The following KIAA1671 variants were observed in gnomAD, a reference collection of about 807,000 sequenced individuals.
The protein encoded by KIAA1671 is uncharacterized protein KIAA1671.
KIAA1671 carries 52 observed loss-of-function variants against 131.2 expected under a neutral mutation model. The observed-to-expected ratio is 0.40, with a 90% CI of 0.32 to 0.50. The LOEUF (loss-of-function observed/expected upper bound fraction) is 0.50. Ranked by LOEUF, KIAA1671 falls within the 20% of genes least tolerant of loss-of-function variation. The probability of loss-of-function intolerance (pLI) is 0.73; values close to 1 mark genes in which losing one functional copy is unlikely to be tolerated. For missense variants in KIAA1671, 2,360 were observed against 2,364.2 expected (o/e 1.00, Z 0.04); for synonymous variants, 1,003 against 961.6 (o/e 1.04, Z -0.80).
intron 6 of KIAA1671, among the ~76,000 whole-genome samples, chr22:25,117,360 A>G (rs1394474296): frequency 1.3e-5 from 2 of 152,044 alleles, no homozygotes; most frequent in Non-Finnish European, 2.9e-5. Context: ...AGAGAGGGGA[A>G]GTCACAGGAC....
chr22:25,050,966 TAG>T (rs1188824576), intron 6 of KIAA1671: 9 of 152,478 alleles, frequency 5.9e-5, no homozygotes, highest in Admixed American at 5.9e-4. Context: ...CCTGTCTTTT[TAG>T]AGTCTGCTTG....
In KIAA1671 at chr22:25,184,302, C is replaced by T. The variant is rs144621366; in HGVS notation, c.5200-675C>T. 3.1e-3 allele frequency among the ~76,000 whole-genome samples: 466 copies of T among 152,358 alleles called. 5 individuals are homozygous for T. The highest frequency in any genetic ancestry group is 4.6e-3 in the Non-Finnish European group (312 of 68,038). On this transcript the variant is annotated intron_variant, in intron 10 of 12. Coordinates refer to ENST00000358431, the MANE Select transcript of KIAA1671 (RefSeq NM_001145206.2). ...CAGGATCTGCCCTAAAAGAATCATA[C>T]ACACATGGAACGAACTCACATTTGT...
At chr22:25,009,253 CTTTTTTTTTT>C (rs35147267) in intron 1 of KIAA1671, among the ~76,000 whole-genome samples, 19 of 62,796 alleles carry the variant, frequency 3.0e-4, no homozygotes, top group Admixed American at 6.1e-4. Context: ...CCCTTCCCCA[CTTTTTTTTTT>C]TTTTTTTTTT....
chr22:24,960,546 CAAAA>C (rs56207857), intron 1 of KIAA1671, among the ~76,000 whole-genome samples: 1 of 80,002 alleles, frequency 1.2e-5, no homozygotes, highest in Admixed American at 1.4e-4. Flanking sequence ...GACTCCGTCT[CAAAA>C]AAAAAAAAAA....
chr22:25,151,114 G>A (rs893706166), intron 6 of KIAA1671, among the ~76,000 whole-genome samples: 6 of 151,858 alleles, frequency 4.0e-5, no homozygotes, highest in Non-Finnish European at 8.8e-5. Context: ...GATTACAGGC[G>A]TGAGCCACTG....
In KIAA1671 at chr22:25,049,243, A is replaced by G. The variant is rs770452886; in HGVS notation, c.4409A>G (p.Asp1470Gly). The change falls in exon 6 of 13, where the codon GAC becomes GGC. Residue 1470 changes from aspartate to glycine, a missense_variant. Asp to Gly is a moderately conservative substitution (Grantham distance 94). Coordinates refer to ENST00000358431, the MANE Select transcript of KIAA1671 (RefSeq NM_001145206.2). The part of the protein sequence containing the change: ...TGDSHKVLPR[D>G]LEKEDAPQEK... ...TCTGTGTTTCAGGTGCTGCCACGGG[A>G]CCTGGAGAAGGAGGATGCCCCCCAG... 7.1e-6 allele frequency: 11 copies of G among 1,551,796 alleles called. No individual in the cohort carries two copies. Among genetic ancestry groups the G allele is most frequent in the Non-Finnish European group, 9.6e-6 (11 of 1,146,918 alleles).
chr22:25,150,331 T>C (rs1392412075), intron 6 of KIAA1671, among the ~76,000 whole-genome samples: 3 of 152,168 alleles, frequency 2.0e-5, no homozygotes, highest in African/African-American at 4.8e-5. Flanking sequence ...AACCCCTGGA[T>C]TCTAGGGATG....
At chr22:25,088,830 A>G (rs1028356230) in intron 6 of KIAA1671, among the ~76,000 whole-genome samples, 1 of 152,014 alleles carries the variant, frequency 6.6e-6, no homozygotes, top group Non-Finnish European at 1.5e-5. Flanking sequence ...ACATAAGACA[A>G]TGTCTGTGCC....
At chr22:25,047,715 C>G (rs1286882895) in intron 5 of KIAA1671, among the ~76,000 whole-genome samples, 2 of 152,200 alleles carry the variant, frequency 1.3e-5, no homozygotes, top group African/African-American at 4.8e-5. Flanking sequence ...TCAGGTGATC[C>G]ACCTGCGTCG....
intron 1 of KIAA1671, among the ~76,000 whole-genome samples, chr22:25,001,276 T>C (rs1047089023): frequency 3.3e-5 from 5 of 152,060 alleles, no homozygotes; most frequent in Non-Finnish European, 7.4e-5. Flanking sequence ...TATATGCATG[T>C]GTATGTGTGT....
At chr22:25,091,846 G>A (rs577725202) in intron 6 of KIAA1671, among the ~76,000 whole-genome samples, 2 of 152,258 alleles carry the variant, frequency 1.3e-5, no homozygotes, top group Non-Finnish European at 2.9e-5. Context: ...CATCTCCTAG[G>A]CTCTGGTTCA....
chr22:24,968,599 G>T (rs1017554836), intron 1 of KIAA1671, among the ~76,000 whole-genome samples: 1 of 152,152 alleles, frequency 6.6e-6, no homozygotes, highest in African/African-American at 2.4e-5. Flanking sequence ...GGGTCACACG[G>T]TGGACACTGG....
Position 24,952,969 on chromosome 22 carries a change from A to T in KIAA1671, c.-208+197A>T, listed in dbSNP as rs550180914. Among the ~76,000 whole-genome samples the T allele has an allele frequency of 1.2e-4, 19 of 152,310 alleles. No individual in the cohort carries two copies. Among genetic ancestry groups the T allele is most frequent in the Admixed American group, 2.6e-4 (4 of 15,310 alleles). On this transcript the variant is annotated intron_variant, in intron 1 of 12. Coordinates refer to ENST00000358431, the MANE Select transcript of KIAA1671 (RefSeq NM_001145206.2). The surrounding 1 kb of genome is among the most constrained non-coding windows in gnomAD (Gnocchi z 4.5). ...GGATTTCCCCAGACTCCGGGTCTGC[A>T]GGGAGGGAGGATCCCGGTTTGGGAG...
chr22:25,148,003 A>T (rs5760878), intron 6 of KIAA1671, among the ~76,000 whole-genome samples: 16,240 of 46,694 alleles, frequency 0.35, 988 homozygotes, highest in South Asian at 0.46. Context: ...TCCCTACCTC[A>T]CTCTCTCCCT....
chr22:25,013,746 A>G (rs1925164814), intron 1 of KIAA1671: 1 of 152,200 alleles, frequency 6.6e-6, no homozygotes, highest in African/African-American at 2.4e-5. Context: ...ACCAGGCTGG[A>G]CACACACAGC....
intron 6 of KIAA1671, among the ~76,000 whole-genome samples, chr22:25,092,239 C>T (rs1249173404): frequency 2.0e-5 from 3 of 152,086 alleles, no homozygotes; most frequent in Non-Finnish European, 2.9e-5. Context: ...TGGGAGGAAG[C>T]GTGACTGGAA....
intron 6 of KIAA1671, among the ~76,000 whole-genome samples, chr22:25,113,540 C>T (rs1470520200): frequency 6.6e-6 from 1 of 152,184 alleles, no homozygotes; most frequent in East Asian, 1.9e-4. Flanking sequence ...GCCCTCCCTA[C>T]ACTCGAGGTG....
chr22:25,045,857 C>G (rs377475960), intron 5 of KIAA1671, among the ~76,000 whole-genome samples: 168 of 152,278 alleles, frequency 1.1e-3, no homozygotes, highest in African/African-American at 4.0e-3. Context: ...TCCCAAACTG[C>G]TAGAATTACA....
intron 6 of KIAA1671, among the ~76,000 whole-genome samples, chr22:25,095,866 T>G (rs776212512): frequency 6.6e-6 from 1 of 152,236 alleles, no homozygotes; most frequent in South Asian, 2.1e-4. Flanking sequence ...CTCCCTTGTT[T>G]CTGCTCCTGT....
Sources: allele counts gnomAD v4.1 joint callset (sites outside exome capture counted in the v4.1 genomes callset), GRCh38; gene constraint gnomAD v4.1.1; non-coding constraint Gnocchi (gnomAD v3.1); transcripts MANE v1.5; gene names NCBI Gene and HGNC (gene_info 2026-07-23, HGNC 2026-07-21).